PDE4B: variants seen among roughly 807,000 people sequenced by gnomAD.
PDE4B encodes 3',5'-cyclic-AMP phosphodiesterase 4B.
In PDE4B, 20 loss-of-function variants were observed where a neutral mutation model predicts 82.2. The observed-to-expected ratio is 0.24, with a 90% CI of 0.17 to 0.35. The LOEUF is 0.35. Ranked by LOEUF, PDE4B falls within the 10% of genes least tolerant of loss-of-function variation. PDE4B has a pLI of 1.00. For missense variants in PDE4B, 655 were observed against 907.2 expected, an observed-to-expected ratio of 0.72 and a Z score of 3.57; for synonymous variants, 320 against 318.9, an observed-to-expected ratio of 1.00 and a Z score of -0.04.
chr1:65,896,607 T>C, intron 1 of PDE4B, among the ~76,000 whole-genome samples: 1 of 152,188 alleles, frequency 6.6e-6, no homozygotes, highest in Non-Finnish European at 1.5e-5. Context: ...TTGGTTCCTA[T>C]TCACCAACAC....
chr1:66,272,194 G>A (rs1655539776), intron 7 of PDE4B, among the ~76,000 whole-genome samples: 1 of 152,174 alleles, frequency 6.6e-6, no homozygotes, highest in Non-Finnish European at 1.5e-5. Context: ...TAGGAAACAT[G>A]TGCCTCTTTC....
At chr1:66,357,996 G>A (rs1323723839) in intron 9 of PDE4B, among the ~76,000 whole-genome samples, 1 of 152,174 alleles carries the variant, frequency 6.6e-6, no homozygotes, top group East Asian at 1.9e-4. Flanking sequence ...TGCCAGTGAA[G>A]GGCATGGAAC....
chr1:65,884,651 A>C (rs537109839), intron 1 of PDE4B, among the ~76,000 whole-genome samples: 350 of 152,342 alleles, frequency 2.3e-3, no homozygotes, highest in Non-Finnish European at 4.3e-3. Context: ...AAAACTGGCT[A>C]GCCATATGTA....
intron 3 of PDE4B, among the ~76,000 whole-genome samples, chr1:65,980,084 C>T (rs761322481): frequency 1.5e-4 from 23 of 151,990 alleles, no homozygotes; most frequent in Non-Finnish European, 2.6e-4. Flanking sequence ...GAGTGTGAGT[C>T]GCCATGAGAC....
At chr1:66,032,160 A>C (rs964767518) in intron 3 of PDE4B, among the ~76,000 whole-genome samples, 3 of 152,220 alleles carry the variant, frequency 2.0e-5, no homozygotes, top group African/African-American at 7.2e-5. Flanking sequence ...AATAATGCCC[A>C]CCTCATAAAA....
At chr1:66,130,685 C>CT (rs1264905507) in intron 3 of PDE4B, among the ~76,000 whole-genome samples, 1 of 152,194 alleles carries the variant, frequency 6.6e-6, no homozygotes, top group Non-Finnish European at 1.5e-5. Flanking sequence ...AGGCTATACC[C>CT]TATACTCAAT....
chr1:66,068,826 A>G lies in PDE4B; in HGVS notation c.281+149991A>G, dbSNP rs533122728. ...TTTCATTGCTTTGATCAATTCCTTA[A>G]TTGTACAACTACAAATCTGTTATTT... On this transcript the variant is annotated intron_variant, in intron 3 of 16. Transcript: ENST00000341517. 8.5e-5 allele frequency among the ~76,000 whole-genome samples: 13 copies of G among 152,084 alleles called. No individual in the cohort carries two copies. The South Asian group carries it at 2.5e-3, about 29-fold the overall frequency.
At chr1:66,037,630 C>T (rs1654138569) in intron 3 of PDE4B, among the ~76,000 whole-genome samples, 1 of 151,982 alleles carries the variant, frequency 6.6e-6, no homozygotes, top group African/African-American at 2.4e-5. Context: ...TCTAATTGTT[C>T]TGGCTAGTAC....
chr1:65,971,601 T>C (rs1446687584), intron 3 of PDE4B, among the ~76,000 whole-genome samples: 1 of 152,172 alleles, frequency 6.6e-6, no homozygotes. Context: ...ACCAGCATAG[T>C]TTGGAGAATG....
At chr1:66,073,728 T>C (rs768246119) in intron 3 of PDE4B, among the ~76,000 whole-genome samples, 12 of 152,132 alleles carry the variant, frequency 7.9e-5, no homozygotes, top group Non-Finnish European at 1.5e-4. Context: ...AGAAATGTAG[T>C]TTTTGGAACT....
At chr1:66,283,047 A>C (rs934563458) in intron 7 of PDE4B, among the ~76,000 whole-genome samples, 3 of 152,146 alleles carry the variant, frequency 2.0e-5, no homozygotes, top group Admixed American at 6.6e-5. Flanking sequence ...ACATTCATTG[A>C]GTGCTTATGA....
At chr1:65,891,312 G>C (rs561040299) in intron 1 of PDE4B, among the ~76,000 whole-genome samples, 2 of 152,138 alleles carry the variant, frequency 1.3e-5, no homozygotes, top group East Asian at 1.9e-4. Flanking sequence ...TCTGCTCTTT[G>C]TACATTTTAT....
At chr1:66,083,695 AC>A (rs1656857853) in intron 3 of PDE4B, among the ~76,000 whole-genome samples, 1 of 152,084 alleles carries the variant, frequency 6.6e-6, no homozygotes, top group African/African-American at 2.4e-5. Context: ...CAATACAAAA[AC>A]CTTAAATTAT....
At chr1:66,255,020 T>C (rs936555603) in intron 4 of PDE4B, among the ~76,000 whole-genome samples, 3 of 151,880 alleles carry the variant, frequency 2.0e-5, no homozygotes, top group African/African-American at 7.3e-5. Context: ...CTTTTTCTTT[T>C]CTTTTCTCTT....
intron 3 of PDE4B, among the ~76,000 whole-genome samples, chr1:66,111,908 A>G (rs559358864): frequency 2.6e-5 from 4 of 152,284 alleles, no homozygotes; most frequent in African/African-American, 9.6e-5. Context: ...TGAAGCAACT[A>G]AATGGTACCA....
intron 1 of PDE4B, among the ~76,000 whole-genome samples, chr1:65,883,534 T>G (rs895973290): frequency 8.5e-5 from 13 of 152,312 alleles, no homozygotes; most frequent in Middle Eastern, 3.4e-3. Context: ...TGAAGTTGCT[T>G]ATCAATTTAA....
chr1:65,974,460 G>A (rs1650305280), intron 3 of PDE4B, among the ~76,000 whole-genome samples: 1 of 152,172 alleles, frequency 6.6e-6, no homozygotes, highest in Admixed American at 6.5e-5. Flanking sequence ...ACTCTACAAT[G>A]CTTGGGTGTT....
At chr1:66,015,845 A>G (rs17128227) in intron 3 of PDE4B, among the ~76,000 whole-genome samples, 9,876 of 152,236 alleles carry the variant, frequency 0.065, 718 homozygotes, top group East Asian at 0.38. Flanking sequence ...AGGTGTGTAA[A>G]GCATTGGTTT....
At chr1:65,984,029 C>T (rs543118134) in intron 3 of PDE4B, among the ~76,000 whole-genome samples, 19 of 152,112 alleles carry the variant, frequency 1.2e-4, no homozygotes, top group African/African-American at 2.7e-4. Flanking sequence ...AACCTGTACA[C>T]GGATGTTTAC....
Sources: allele counts gnomAD v4.1 joint callset (sites outside exome capture counted in the v4.1 genomes callset), GRCh38; gene constraint gnomAD v4.1.1; transcripts MANE v1.5; gene names NCBI Gene and HGNC (gene_info 2026-07-23, HGNC 2026-07-21).